CERS6: variants seen among roughly 807,000 people sequenced by gnomAD.
CERS6 encodes ceramide synthase 6, also known as LAG1 homolog, ceramide synthase 6.
A neutral mutation model predicts 56.8 loss-of-function variants in CERS6; 26 were observed. The observed-to-expected ratio is 0.46, with a 90% CI of 0.34 to 0.63. The LOEUF (loss-of-function observed/expected upper bound fraction) is 0.63. Among genes scored for constraint, CERS6 ranks in the 30% least tolerant of loss-of-function variants. The pLI, the probability that CERS6 is intolerant of heterozygous loss-of-function variation, is 0.01. For synonymous variants in CERS6, 164 were observed against 173.3 expected, an observed-to-expected ratio of 0.95 and a Z score of 0.42; for missense variants, 415 against 467.5, an observed-to-expected ratio of 0.89 and a Z score of 1.04.
At chr2:168,640,427 T>A (rs1029725905) in intron 4 of CERS6, among the ~76,000 whole-genome samples, 1 of 152,180 alleles carries the variant, frequency 6.6e-6, no homozygotes, top group African/African-American at 2.4e-5. Flanking sequence ...GATACTGATC[T>A]CTGTTCATTT....
At chr2:168,764,261 G>A (rs1029171283) in intron 8 of CERS6, among the ~76,000 whole-genome samples, 6 of 152,134 alleles carry the variant, frequency 3.9e-5, no homozygotes, top group African/African-American at 1.4e-4. Flanking sequence ...TCCTGCCTCA[G>A]CCTCCCTAGT....
intron 3 of CERS6, among the ~76,000 whole-genome samples, chr2:168,593,976 G>A (rs892763880): frequency 6.6e-6 from 1 of 152,096 alleles, no homozygotes. Context: ...TGCTACATTG[G>A]TTTTGGTTGT....
At chr2:168,731,811 C>G (rs1457718436) in intron 8 of CERS6, among the ~76,000 whole-genome samples, 1 of 152,172 alleles carries the variant, frequency 6.6e-6, no homozygotes, top group Admixed American at 6.5e-5. Context: ...AACTCCTTGT[C>G]TCTTCAGTGA....
intron 6 of CERS6, among the ~76,000 whole-genome samples, chr2:168,704,632 A>T (rs1686890369): frequency 6.6e-6 from 1 of 152,044 alleles, no homozygotes; most frequent in African/African-American, 2.4e-5. Flanking sequence ...TTTTGAGACG[A>T]GTCTCGCTTT....
intron 8 of CERS6, among the ~76,000 whole-genome samples, chr2:168,764,856 T>C (rs1187939432): frequency 9.2e-5 from 14 of 152,122 alleles, no homozygotes; most frequent in Admixed American, 9.2e-4. Flanking sequence ...AAACATATGA[T>C]CCAACAATTC....
At chr2:168,641,451 C>A (rs4668085) in intron 4 of CERS6, among the ~76,000 whole-genome samples, 10 of 152,066 alleles carry the variant, frequency 6.6e-5, no homozygotes, top group African/African-American at 1.7e-4. Context: ...TCCCACTGCC[C>A]CACATATTCC....
chr2:168,737,512 C>T (rs537293525), intron 8 of CERS6, among the ~76,000 whole-genome samples: 12 of 152,282 alleles, frequency 7.9e-5, no homozygotes, highest in Middle Eastern at 3.4e-3. Context: ...TGAAGGGCTG[C>T]AGTGTCTAAA....
intron 3 of CERS6, among the ~76,000 whole-genome samples, chr2:168,584,824 GT>G (rs1387238593): frequency 2.0e-5 from 3 of 152,154 alleles, no homozygotes; most frequent in Non-Finnish European, 4.4e-5. Context: ...TTTTTTGTTT[GT>G]TTTTTGTTTT....
At chr2:168,687,088 T>A (rs1414284212) in intron 4 of CERS6, among the ~76,000 whole-genome samples, 1 of 152,152 alleles carries the variant, frequency 6.6e-6, no homozygotes, top group African/African-American at 2.4e-5. Flanking sequence ...AGGAACTCAT[T>A]CACACTGACC....
intron 7 of CERS6, among the ~76,000 whole-genome samples, chr2:168,716,655 T>G (rs1687233669): frequency 6.6e-6 from 1 of 152,160 alleles, no homozygotes; most frequent in African/African-American, 2.4e-5. Flanking sequence ...TGTTTAAAGC[T>G]TATTTACTGA....
At chr2:168,526,733 T>C (rs1209182440) in intron 1 of CERS6, among the ~76,000 whole-genome samples, 1 of 152,252 alleles carries the variant, frequency 6.6e-6, no homozygotes, top group East Asian at 1.9e-4. Flanking sequence ...GTAAATTGTT[T>C]GGAATGCAGA....
intron 4 of CERS6, among the ~76,000 whole-genome samples, chr2:168,657,673 C>G (rs1685520600): frequency 6.6e-6 from 1 of 152,250 alleles, no homozygotes; most frequent in African/African-American, 2.4e-5. Flanking sequence ...TCCGCAGCCA[C>G]TGGCCCGGGT....
chr2:168,733,483 G>T (rs1201056660), intron 8 of CERS6, among the ~76,000 whole-genome samples: 1 of 152,132 alleles, frequency 6.6e-6, no homozygotes, highest in Non-Finnish European at 1.5e-5. Context: ...ATGACAACTT[G>T]CTGCTCCTTA....
At chr2:168,759,136 G>A (rs1434217223) in intron 8 of CERS6, among the ~76,000 whole-genome samples, 6 of 152,266 alleles carry the variant, frequency 3.9e-5, no homozygotes, top group African/African-American at 9.6e-5. Context: ...TAAGATATTG[G>A]GGTGGTCACA....
chr2:168,571,407 C>T (rs1222359589), intron 3 of CERS6, among the ~76,000 whole-genome samples: 3 of 151,970 alleles, frequency 2.0e-5, no homozygotes, highest in Non-Finnish European at 4.4e-5. Flanking sequence ...TCCTGATATT[C>T]GAATATAACA....
chr2:168,611,763 G>A (rs1032816502), intron 3 of CERS6, among the ~76,000 whole-genome samples: 2 of 152,124 alleles, frequency 1.3e-5, no homozygotes, highest in African/African-American at 4.8e-5. Flanking sequence ...ATGCAAACAA[G>A]GGAAAAGTAA....
chr2:168,515,836 C>T (rs1694874987), intron 1 of CERS6, among the ~76,000 whole-genome samples: 2 of 152,188 alleles, frequency 1.3e-5, no homozygotes. Context: ...GCTGACACTA[C>T]TCTGTAGCTT....
chr2:168,477,219 G>GAGAGAGAGAGAC (rs1694094244), intron 1 of CERS6, among the ~76,000 whole-genome samples: 1 of 126,930 alleles, frequency 7.9e-6, no homozygotes, highest in African/African-American at 3.1e-5. Flanking sequence ...GAGAGAGAGA[G>GAGAGAGAGAGAC]TCTCATAGGG....
intron 1 of CERS6, among the ~76,000 whole-genome samples, chr2:168,489,340 C>T (rs1307361341): frequency 6.6e-6 from 1 of 152,066 alleles, no homozygotes; most frequent in Non-Finnish European, 1.5e-5. Context: ...TGCTTTTAAG[C>T]AGTTGACTAA....
Sources: allele counts gnomAD v4.1 joint callset (sites outside exome capture counted in the v4.1 genomes callset), GRCh38; gene constraint gnomAD v4.1.1; transcripts MANE v1.5; gene names NCBI Gene and HGNC (gene_info 2026-07-23, HGNC 2026-07-21).